Variants in PDZK1IP1 observed in about 807,000 individuals in gnomAD.
PDZK1IP1 encodes the protein PDZK1 interacting protein 1, also known as PDZK1-interacting protein 1.
In PDZK1IP1, 9 loss-of-function variants were observed where a neutral mutation model predicts 14.7. The ratio of observed to expected loss-of-function variants is 0.61; its 90% CI spans 0.37 to 1.07. The LOEUF (loss-of-function observed/expected upper bound fraction) is 1.07. Among genes scored for constraint, PDZK1IP1 ranks in the 50% least tolerant of loss-of-function variants. PDZK1IP1 has a pLI of 0.01. For synonymous variants in PDZK1IP1, 70 were observed against 61.2 expected, an observed-to-expected ratio of 1.14 and a Z score of -0.67; for missense variants, 152 against 148.7, an observed-to-expected ratio of 1.02 and a Z score of -0.11.
chr1:47,185,944 G>A (rs775309062), intron 2 of PDZK1IP1, among the ~76,000 whole-genome samples: 4 of 152,078 alleles, frequency 2.6e-5, no homozygotes, highest in East Asian at 1.9e-4. Context: ...TTCCACCGCT[G>A]CCGTGCATCT....
At chr1:47,187,793 C>A (rs952163058) in intron 1 of PDZK1IP1, among the ~76,000 whole-genome samples, 2 of 152,194 alleles carry the variant, frequency 1.3e-5, no homozygotes, top group African/African-American at 4.8e-5. Flanking sequence ...AAAGGGCAGC[C>A]CCCTGGACAG....
At chr1:47,189,806 C>T in intron 1 of PDZK1IP1, 60 bp downstream of exon 1, 1 of 1,333,460 alleles carries the variant, frequency 7.5e-7, no homozygotes, top group Non-Finnish European at 1.0e-6. Flanking sequence ...GGGAGGGGAG[C>T]CAGAACACCA....
chr1:47,189,006 T>C (rs1184173095), intron 1 of PDZK1IP1, among the ~76,000 whole-genome samples: 1 of 152,188 alleles, frequency 6.6e-6, no homozygotes, highest in Non-Finnish European at 1.5e-5. Flanking sequence ...CAAGGGGCAG[T>C]GTCTGGGGCA....
chr1:47,188,421 C>T (rs1645332759), intron 1 of PDZK1IP1, among the ~76,000 whole-genome samples: 1 of 152,244 alleles, frequency 6.6e-6, no homozygotes, highest in Admixed American at 6.5e-5. Flanking sequence ...CATCACTGCA[C>T]TCCATGAGCC....
intron 3 of PDZK1IP1, among the ~76,000 whole-genome samples, chr1:47,184,729 T>C (rs1289717847): frequency 6.7e-6 from 1 of 149,318 alleles, no homozygotes; most frequent in Admixed American, 6.7e-5. Context: ...ATTGAACCCT[T>C]TGTCCCCATT....
intron 1 of PDZK1IP1, among the ~76,000 whole-genome samples, chr1:47,188,544 T>C (rs1008062801): frequency 5.9e-5 from 9 of 152,314 alleles, no homozygotes; most frequent in African/African-American, 1.7e-4. Context: ...AGAATATACC[T>C]GCATCCCTAT....
intron 3 of PDZK1IP1, 73 bp downstream of exon 3, chr1:47,184,929 C>A (rs947542265): frequency 1.8e-4 from 221 of 1,247,430 alleles, no homozygotes; most frequent in Non-Finnish European, 2.3e-4. Context: ...CCACCTCCCC[C>A]CAGCAGCACC....
chr1:47,185,722 G>T (rs1346989036), intron 2 of PDZK1IP1, among the ~76,000 whole-genome samples: 1 of 152,068 alleles, frequency 6.6e-6, no homozygotes, highest in Non-Finnish European at 1.5e-5. Flanking sequence ...CTCGGTGAGT[G>T]ATCCGCCATG....
At chr1:47,184,241 T>A (rs930086942) in intron 3 of PDZK1IP1, among the ~76,000 whole-genome samples, 198 bp from the exon 4 acceptor site, 1 of 150,380 alleles carries the variant, frequency 6.6e-6, no homozygotes, top group Non-Finnish European at 1.5e-5. Context: ...GACACCTATC[T>A]CCCTCCTCCT....
chr1:47,188,564 G>T (rs1279922998), intron 1 of PDZK1IP1, among the ~76,000 whole-genome samples: 1 of 152,190 alleles, frequency 6.6e-6, no homozygotes, highest in African/African-American at 2.4e-5. Flanking sequence ...TATTTTGAGG[G>T]ACCCAAGCTG....
At chr1:47,184,084 C>G in intron 3 of PDZK1IP1, 41 bp from the exon 4 acceptor site, 3 of 1,421,352 alleles carry the variant, frequency 2.1e-6, no homozygotes, top group Non-Finnish European at 2.9e-6. Flanking sequence ...CATCGCTCCT[C>G]CCATTCTATC....
chr1:47,187,242 C>T (rs1213853641), intron 2 of PDZK1IP1, 77 bp downstream of exon 2: 1 of 1,004,120 alleles, frequency 1.0e-6, no homozygotes, highest in Non-Finnish European at 1.6e-6. Flanking sequence ...TTCTGAGGCC[C>T]TTCTCACTGC....
intron 1 of PDZK1IP1, among the ~76,000 whole-genome samples, chr1:47,188,674 G>T (rs77635391): frequency 2.0e-5 from 3 of 152,128 alleles, no homozygotes; most frequent in Non-Finnish European, 4.4e-5. Flanking sequence ...CCTCTTCTCC[G>T]AGCCTGGCAA....
At chr1:47,184,720 T>C (rs1232131759) in intron 3 of PDZK1IP1, among the ~76,000 whole-genome samples, 1 of 148,692 alleles carries the variant, frequency 6.7e-6, no homozygotes, top group Non-Finnish European at 1.5e-5. Context: ...CCTTCCTCCA[T>C]TGAACCCTTT....
chr1:47,186,629 C>G (rs1278584012), intron 2 of PDZK1IP1, among the ~76,000 whole-genome samples: 1 of 152,226 alleles, frequency 6.6e-6, no homozygotes, highest in African/African-American at 2.4e-5. Flanking sequence ...GCCCACCTGC[C>G]CTTCACCTGT....
chr1:47,184,034 C>T lies in PDZK1IP1; in HGVS notation c.282G>A (p.Glu94=). ...SSMAASFRSS[E]HENAYENVPE... is the part of the protein sequence containing the mutation. ...GCACATTCTCATAGGCATTCTCATG[C>T]TCACTGGACCTGAAAGAAGAAGGCA... is the stretch of plus-strand genomic sequence containing the variant. Residue 94 remains glutamate, a synonymous_variant, in exon 4 of 4, where the codon GAG becomes GAA. Transcript: ENST00000294338. The T allele has an allele frequency of 6.3e-7, 1 of 1,589,700 alleles. No homozygotes were observed. The highest frequency in any genetic ancestry group is 8.6e-7 in the Non-Finnish European group (1 of 1,166,436).
Position 47,183,922 on chromosome 1 carries a change from C to T in PDZK1IP1, c.*49G>A, listed in dbSNP as rs1198436056. The T allele has an allele frequency of 3.5e-6, 5 of 1,432,674 alleles. No homozygotes were observed. Among genetic ancestry groups the T allele is most frequent in the Non-Finnish European group, 4.8e-6 (5 of 1,033,264 alleles). The allele number at this position is 1,432,674 out of a possible 1,614,324, so 88.7% of individuals were successfully genotyped here. On this transcript the variant is annotated 3_prime_UTR_variant, in exon 4 of 4. Coordinates refer to ENST00000294338, the MANE Select transcript of PDZK1IP1 (RefSeq NM_005764.4). ...AGGGGGCTTGGGTGGTAGCACTGGA[C>T]ATCCATCCCATGTGCCTGGGAGTCT...
chr1:47,190,020 C>A lies in PDZK1IP1; in HGVS notation c.-88G>T. The stretch of plus-strand genomic sequence containing the variant: ...GAGTCTATTGGTGTCCGCCTGAAAT[C>A]AACCTGGGCTCAGTCTGGCCCTGGA... On this transcript the variant is annotated 5_prime_UTR_variant, in exon 1 of 4. Coordinates refer to ENST00000294338, the MANE Select transcript of PDZK1IP1 (RefSeq NM_005764.4). The A allele has an allele frequency of 9.5e-7, 1 of 1,053,276 alleles. No individual in the cohort carries two copies. 65.2% of individuals were successfully genotyped at this position (1,053,276 alleles called of 1,614,324 possible).
rs368979676 is a variant in PDZK1IP1 at position 47,184,997 on chromosome 1, C to T, written c.272+5G>A. On this transcript the variant is annotated splice_donor_5th_base_variant and intron_variant, in intron 3 of 3. Transcript: ENST00000294338. Reference sequence around the variant, plus strand: ...CAGACCGGGCAGCCCTGCCCTGCACCTCACCTGAAACTGGCCGCCATCGAA... The same window carrying T: ...CAGACCGGGCAGCCCTGCCCTGCACTTCACCTGAAACTGGCCGCCATCGAA... 3.1e-6 allele frequency: 5 copies of T among 1,610,540 alleles called. No individual in the cohort carries two copies. Among genetic ancestry groups the T allele is most frequent in the Admixed American group, 1.7e-5 (1 of 59,980 alleles).
Sources: gnomAD v4.1 joint callset for allele counts (sites outside exome capture counted in the v4.1 genomes callset) on GRCh38, gnomAD v4.1.1 for gene constraint, MANE v1.5 for transcripts, NCBI Gene and HGNC (gene_info 2026-07-23, HGNC 2026-07-21) for gene names.